Variants in SLC39A11 observed in about 807,000 individuals in gnomAD.
SLC39A11 encodes zinc transporter ZIP11.
In SLC39A11, 33 loss-of-function variants were observed where a neutral mutation model predicts 36.1. That is an observed-to-expected ratio of 0.91 (90% CI 0.69 to 1.22). The LOEUF is 1.22. Ranked by LOEUF, SLC39A11 falls within the 50% of genes most tolerant of loss-of-function variation. SLC39A11 has a pLI of 0.00. For synonymous variants in SLC39A11, 166 were observed against 170.3 expected (o/e 0.97, Z 0.20); for missense variants, 432 against 430.3 (o/e 1.00, Z -0.03).
At chr17:73,050,414 C>T (rs1387602147) in intron 3 of SLC39A11, among the ~76,000 whole-genome samples, 1 of 146,300 alleles carries the variant, frequency 6.8e-6, no homozygotes, top group Non-Finnish European at 1.5e-5. Flanking sequence ...TCCTCATGGG[C>T]CATGAGGCAG....
intron 5 of SLC39A11, among the ~76,000 whole-genome samples, chr17:72,910,375 G>A (rs1567935112): frequency 1.3e-5 from 2 of 152,120 alleles, no homozygotes; most frequent in Non-Finnish European, 2.9e-5. Context: ...TGTAATCCCA[G>A]CACTTTGGGA....
chr17:72,929,635 G>A (rs1220470470), intron 5 of SLC39A11, among the ~76,000 whole-genome samples: 1 of 152,066 alleles, frequency 6.6e-6, no homozygotes, highest in Non-Finnish European at 1.5e-5. Context: ...AAGATTAAGG[G>A]TGCAAATTTT....
chr17:72,861,740 T>TTATA lies in SLC39A11; in HGVS notation c.431-11940_431-11937dup, dbSNP rs71945815. On this transcript the variant is annotated intron_variant, in intron 5 of 9. Coordinates refer to ENST00000255559, the MANE Select transcript of SLC39A11 (RefSeq NM_139177.4). ...GATATATATATACACACATTGGAGA[T>TTATA]TATATATATATATATATATATATAT... 1.9e-3 allele frequency among the ~76,000 whole-genome samples: 127 copies of TTATA among 67,316 alleles called. 1 individual carries two copies. Among genetic ancestry groups the TTATA allele is most frequent in the Non-Finnish European group, 3.2e-3 (108 of 34,014 alleles). 44.2% of individuals were successfully genotyped at this position (67,316 alleles called of 152,430 possible).
intron 7 of SLC39A11, among the ~76,000 whole-genome samples, chr17:72,730,129 C>T (rs957093433): frequency 2.0e-5 from 3 of 152,162 alleles, no homozygotes; most frequent in Non-Finnish European, 2.9e-5. Flanking sequence ...CCACTGCATG[C>T]ATTTTGTTAA....
chr17:72,832,721 A>G (rs1040131141), intron 6 of SLC39A11, among the ~76,000 whole-genome samples: 1 of 152,222 alleles, frequency 6.6e-6, no homozygotes, highest in Non-Finnish European at 1.5e-5. Flanking sequence ...ATTATTTTCA[A>G]CTCCACACCA....
At chr17:72,750,498 G>A (rs932722091) in intron 6 of SLC39A11, among the ~76,000 whole-genome samples, 5 of 108,484 alleles carry the variant, frequency 4.6e-5, no homozygotes, top group African/African-American at 1.8e-4. Flanking sequence ...AAAAAAACTG[G>A]AGGAAAGGAT....
intron 4 of SLC39A11, among the ~76,000 whole-genome samples, chr17:72,973,860 A>G (rs1428686408): frequency 1.3e-5 from 2 of 152,062 alleles, no homozygotes; most frequent in African/African-American, 2.4e-5. Context: ...GCACCTGGCC[A>G]GTAAGTGATT....
chr17:72,964,704 G>A (rs2086842373), intron 4 of SLC39A11, among the ~76,000 whole-genome samples: 1 of 152,156 alleles, frequency 6.6e-6, no homozygotes, highest in African/African-American at 2.4e-5. Flanking sequence ...CAATTACTCA[G>A]GGATCTAGAA....
At chr17:72,655,257 G>C (rs1378012468) in intron 7 of SLC39A11, among the ~76,000 whole-genome samples, 1 of 152,166 alleles carries the variant, frequency 6.6e-6, no homozygotes, top group Non-Finnish European at 1.5e-5. Context: ...AAGTTCCCTC[G>C]CCCCGCTGCT....
intron 3 of SLC39A11, among the ~76,000 whole-genome samples, chr17:73,047,696 G>A (rs1443847120): frequency 6.6e-6 from 1 of 151,860 alleles, no homozygotes; most frequent in Non-Finnish European, 1.5e-5. Flanking sequence ...GGCTGGGCGA[G>A]GTAGCGCACA....
chr17:72,884,893 T>A (rs2081373338), intron 5 of SLC39A11, among the ~76,000 whole-genome samples: 2 of 152,314 alleles, frequency 1.3e-5, no homozygotes, highest in Non-Finnish European at 1.5e-5. Flanking sequence ...GAAAAATGCA[T>A]AACGAGAGGA....
intron 4 of SLC39A11, among the ~76,000 whole-genome samples, chr17:72,958,079 G>T (rs2086361690): frequency 6.6e-6 from 1 of 152,168 alleles, no homozygotes; most frequent in African/African-American, 2.4e-5. Flanking sequence ...AAAGCCAACT[G>T]ATCTTCTACA....
At chr17:72,834,969 T>C (rs1179310280) in intron 6 of SLC39A11, among the ~76,000 whole-genome samples, 1 of 152,230 alleles carries the variant, frequency 6.6e-6, no homozygotes, top group Non-Finnish European at 1.5e-5. Context: ...GATGACAGAA[T>C]GTCTAAAAGT....
chr17:72,824,964 C>T (rs1208433587), intron 6 of SLC39A11, among the ~76,000 whole-genome samples: 1 of 151,198 alleles, frequency 6.6e-6, no homozygotes, highest in Non-Finnish European at 1.5e-5. Flanking sequence ...TGCAGCCTGA[C>T]CATGCAGTAG....
intron 5 of SLC39A11, among the ~76,000 whole-genome samples, chr17:72,861,413 T>G (rs910848647): frequency 6.6e-6 from 1 of 152,014 alleles, no homozygotes; most frequent in African/African-American, 2.4e-5. Flanking sequence ...TATTTTTAAA[T>G]AGTGGATGCA....
At chr17:72,797,573 G>A (rs184187889) in intron 6 of SLC39A11, among the ~76,000 whole-genome samples, 12 of 152,210 alleles carry the variant, frequency 7.9e-5, no homozygotes, top group African/African-American at 1.9e-4. Context: ...TGAGGAGGGC[G>A]AATTGACTGT....
chr17:72,924,504 A>G (rs998448255), intron 5 of SLC39A11, among the ~76,000 whole-genome samples: 5 of 152,172 alleles, frequency 3.3e-5, no homozygotes, highest in African/African-American at 4.8e-5. Flanking sequence ...CATGAATGAT[A>G]TCCCCAAAAG....
intron 2 of SLC39A11, among the ~76,000 whole-genome samples, chr17:73,085,752 C>G (rs1012098975): frequency 6.6e-6 from 1 of 151,874 alleles, no homozygotes; most frequent in South Asian, 2.1e-4. Context: ...GTGTGCCACT[C>G]CTGAGTAATC....
At chr17:72,834,067 G>A (rs2078405586) in intron 6 of SLC39A11, among the ~76,000 whole-genome samples, 1 of 151,604 alleles carries the variant, frequency 6.6e-6, no homozygotes, top group African/African-American at 2.4e-5. Flanking sequence ...AGCTTGGGTA[G>A]GCACTACACA....
Sources: allele counts gnomAD v4.1 joint callset (sites outside exome capture counted in the v4.1 genomes callset), GRCh38; gene constraint gnomAD v4.1.1; transcripts MANE v1.5; gene names NCBI Gene and HGNC (gene_info 2026-07-23, HGNC 2026-07-21).